MIGA1: variants seen among roughly 807,000 people sequenced by gnomAD.
MIGA1 encodes mitoguardin 1.
A neutral mutation model predicts 82.0 loss-of-function variants in MIGA1; 58 were observed. That is an observed-to-expected ratio of 0.71 (90% confidence interval 0.57 to 0.88). The LOEUF (loss-of-function observed/expected upper bound fraction) is 0.88, where lower values mean the gene tolerates loss of function less well. MIGA1 is among the 40% of genes least tolerant of loss of function. The pLI, the probability that MIGA1 is intolerant of heterozygous loss-of-function variation, is 0.00. For missense variants in MIGA1, 751 were observed against 749.1 expected, an observed-to-expected ratio of 1.00 and a Z score of -0.03; for synonymous variants, 249 against 253.6, an observed-to-expected ratio of 0.98 and a Z score of 0.17.
intron 14 of MIGA1, chr1:77,868,708 T>C (rs1048585816): frequency 6.6e-6 from 1 of 152,244 alleles, no homozygotes; most frequent in Non-Finnish European, 1.5e-5. Flanking sequence ...CCCACTTCTC[T>C]GAATTCATAA....
chr1:77,846,644 T>C (rs1364472172), intron 8 of MIGA1, among the ~76,000 whole-genome samples: 1 of 151,694 alleles, frequency 6.6e-6, no homozygotes, highest in Non-Finnish European at 1.5e-5. Flanking sequence ...GAAAATTTTA[T>C]TTTTTATAAT....
chr1:77,838,867 C>T (rs529944263), intron 7 of MIGA1, among the ~76,000 whole-genome samples: 52 of 152,310 alleles, frequency 3.4e-4, no homozygotes, highest in African/African-American at 1.3e-3. Flanking sequence ...GCATGTAATT[C>T]TTCACTCAGC....
At chr1:77,826,687 C>G (rs948955204) in intron 7 of MIGA1, among the ~76,000 whole-genome samples, 1 of 152,154 alleles carries the variant, frequency 6.6e-6, no homozygotes, top group Non-Finnish European at 1.5e-5. Context: ...TGTTGCCAGG[C>G]TGGTCTCGAG....
chr1:77,848,985 G>GGCTGTGGATGTTTC (rs1684944325), intron 8 of MIGA1, among the ~76,000 whole-genome samples: 2 of 152,112 alleles, frequency 1.3e-5, no homozygotes, highest in African/African-American at 4.8e-5. Flanking sequence ...GTGGATGTTT[G>GGCTGTGGATGTTTC]GCTGAATTTA....
rs766162979 is a variant in MIGA1, at chr1:77,873,072, C to A, written c.1632C>A (p.Gly544=). 3 of 1,613,546 alleles carry A rather than the reference C, an allele frequency of 1.9e-6. No individual in the cohort carries two copies. Among genetic ancestry groups the A allele is most frequent in the Non-Finnish European group, 2.5e-6 (3 of 1,179,728 alleles). ...ACATCAGTCCTGTCCTAGCCTGGGG[C>A]TTTTTGGGTCCTAGAAATTCTCTGT... Residue 544 remains glycine (G), a synonymous_variant, in exon 15 of 16, where the codon GGC becomes GGA. Transcript: ENST00000370791.
chr1:77,797,068 T>C (rs1682686831), intron 2 of MIGA1, among the ~76,000 whole-genome samples: 2 of 152,204 alleles, frequency 1.3e-5, no homozygotes, highest in African/African-American at 2.4e-5. Flanking sequence ...TGAAATTGGC[T>C]TTTTCCTTTT....
At chr1:77,871,128 G>C (rs1685977160) in intron 14 of MIGA1, among the ~76,000 whole-genome samples, 1 of 105,892 alleles carries the variant, frequency 9.4e-6, no homozygotes, top group African/African-American at 3.9e-5. Flanking sequence ...AGGGAGAGGA[G>C]GGAGAGGGAG....
At chr1:77,856,877 G>C (rs1383994953) in intron 8 of MIGA1, among the ~76,000 whole-genome samples, 1 of 151,532 alleles carries the variant, frequency 6.6e-6, no homozygotes, top group African/African-American at 2.4e-5. Flanking sequence ...ATTTCATTTA[G>C]TTCTGCTCTG....
chr1:77,874,930 A>G lies in MIGA1; in HGVS notation c.1765A>G (p.Met589Val), dbSNP rs113185211. The change falls in exon 16 of 16, where the codon ATG (methionine) becomes GTG (valine). Residue 589 changes from methionine (M) to valine (V), a missense_variant. Met to Val is a conservative substitution (Grantham distance 21). Around this residue, in one of 3 missense-constraint regions of MIGA1, gnomAD observed 265 missense variants for 293.6 expected, o/e 0.90. Transcript: ENST00000370791. ...TACAGAGACTTTAGCTGAAGACCTC[A>G]TGCAGTTACTCATTCGCCGCACTGA... is the stretch of plus-strand genomic sequence containing the variant. 7 of 1,614,056 alleles carry G rather than the reference A, an allele frequency of 4.3e-6. No homozygotes were observed. In the African/African-American group the frequency reaches 9.3e-5, roughly 22 times the overall value.
intron 15 of MIGA1, 27 bp downstream of exon 15, chr1:77,873,147 C>CT (rs748655937): frequency 2.3e-5 from 37 of 1,584,662 alleles, no homozygotes; most frequent in African/African-American, 9.5e-5. Context: ...AATCATTTCT[C>CT]TTTTTTTTCT....
chr1:77,805,814 G>A (rs1683078568), intron 4 of MIGA1, among the ~76,000 whole-genome samples: 1 of 152,092 alleles, frequency 6.6e-6, no homozygotes, highest in South Asian at 2.1e-4. Flanking sequence ...GAGCCTCTGC[G>A]CCTGGCCAGA....
intron 7 of MIGA1, among the ~76,000 whole-genome samples, chr1:77,821,935 A>G (rs1370484204): frequency 6.6e-6 from 1 of 152,220 alleles, no homozygotes; most frequent in Non-Finnish European, 1.5e-5. Flanking sequence ...CAAGATGAAT[A>G]AATTCTGGAG....
intron 7 of MIGA1, among the ~76,000 whole-genome samples, chr1:77,836,694 A>G (rs1348865777): frequency 6.6e-6 from 1 of 152,224 alleles, no homozygotes; most frequent in African/African-American, 2.4e-5. Context: ...TAGGATCAGG[A>G]TCCAGGTGCT....
At chr1:77,791,263 A>AC (rs1168009051) in intron 2 of MIGA1, among the ~76,000 whole-genome samples, 4 of 150,790 alleles carry the variant, frequency 2.7e-5, no homozygotes, top group South Asian at 2.1e-4. Context: ...AAAAAAAAAA[A>AC]AACAAAAAAC....
chr1:77,873,111 C>CT lies in MIGA1; in HGVS notation c.1677dup (p.Lys560Ter). 1 of 1,612,576 alleles carries CT rather than the reference C, an allele frequency of 6.2e-7. No homozygotes were observed. Among genetic ancestry groups the CT allele is most frequent in the Non-Finnish European group, 8.5e-7 (1 of 1,179,018 alleles). ...GAAATTCTCTGTATGATTTATGTTG[C>CT]TTTTTTAAGGTATGTTCAGTCATTG... On this transcript the variant is annotated frameshift_variant, in exon 15 of 16. Transcript: ENST00000370791. LOFTEE classifies it high-confidence loss of function.
At chr1:77,870,768 C>G (rs1426885750) in intron 14 of MIGA1, among the ~76,000 whole-genome samples, 1 of 150,380 alleles carries the variant, frequency 6.6e-6, no homozygotes, top group Non-Finnish European at 1.5e-5. Flanking sequence ...GCCGAGATCA[C>G]GCCACTGCAC....
intron 8 of MIGA1, chr1:77,853,313 T>C (rs1335875445): frequency 6.5e-6 from 1 of 152,712 alleles, no homozygotes; most frequent in Non-Finnish European, 1.5e-5. Context: ...AAAAAAATGT[T>C]TTGGGTGTGA....
At chr1:77,808,930 A>T (rs1683208286) in intron 5 of MIGA1, among the ~76,000 whole-genome samples, 1 of 152,168 alleles carries the variant, frequency 6.6e-6, no homozygotes. Flanking sequence ...AGGAAACTTA[A>T]CATTCACAGC....
intron 2 of MIGA1, among the ~76,000 whole-genome samples, chr1:77,785,502 C>T (rs892974752): frequency 9.2e-5 from 14 of 152,132 alleles, no homozygotes; most frequent in Admixed American, 9.2e-4. Context: ...TGCCACCACG[C>T]CTGGCTAGTT....
Sources: allele counts gnomAD v4.1 joint callset (sites outside exome capture counted in the v4.1 genomes callset), GRCh38; gene constraint gnomAD v4.1.1; regional missense constraint gnomAD v4.1.1; transcripts MANE v1.5; gene names NCBI Gene and HGNC (gene_info 2026-07-23, HGNC 2026-07-21).